The following LRRTM4 variants were observed in gnomAD, a reference collection of about 807,000 sequenced individuals.
LRRTM4 encodes leucine-rich repeat transmembrane neuronal protein 4.
In LRRTM4, 25 loss-of-function variants were observed where a neutral mutation model predicts 47.6. That is an observed-to-expected ratio of 0.53 (90% confidence interval 0.38 to 0.73). The LOEUF is 0.73. LRRTM4 is among the 30% of genes least tolerant of loss of function. The pLI, the probability that LRRTM4 is intolerant of heterozygous loss-of-function variation, is 0.00. For missense variants in LRRTM4, 638 were observed against 713.4 expected (o/e 0.89, Z 1.20); for synonymous variants, 311 against 269.5 (o/e 1.15, Z -1.51).
At chr2:76,835,471 G>C (rs945025389) in intron 3 of LRRTM4, among the ~76,000 whole-genome samples, 3 of 152,052 alleles carry the variant, frequency 2.0e-5, no homozygotes, top group Non-Finnish European at 4.4e-5. Flanking sequence ...ATTTATTCTT[G>C]CATTTAGAGA....
chr2:76,847,846 A>G (rs1457283400), intron 3 of LRRTM4, among the ~76,000 whole-genome samples: 2 of 152,164 alleles, frequency 1.3e-5, no homozygotes, highest in Admixed American at 1.3e-4. Flanking sequence ...ATTAATTTAC[A>G]TAAGAAAGTG....
rs1255248098 is a variant in LRRTM4, at chr2:77,244,760, C to G, written c.1551+273558G>C. 2.0e-5 allele frequency among the ~76,000 whole-genome samples: 3 copies of G among 152,178 alleles called. No homozygotes were observed. The East Asian group carries it at 5.8e-4, about 29-fold the overall frequency. ...CTCATTCTATTTTGCTCCTCCCTTT[C>G]TCAGTCTGATGAAACAACCTGCAAT... is the stretch of plus-strand genomic sequence containing the variant. On this transcript the variant is annotated intron_variant, in intron 3 of 3. Transcript: ENST00000409884.
intron 3 of LRRTM4, among the ~76,000 whole-genome samples, chr2:76,922,919 G>A (rs932784196): frequency 6.6e-6 from 1 of 151,884 alleles, no homozygotes; most frequent in Non-Finnish European, 1.5e-5. Flanking sequence ...GAAGTGTCAT[G>A]GAAACTAAAA....
At chr2:77,061,362 T>G (rs556119316) in intron 3 of LRRTM4, among the ~76,000 whole-genome samples, 5 of 152,132 alleles carry the variant, frequency 3.3e-5, no homozygotes, top group Admixed American at 6.6e-5. Context: ...TTATTCTGTC[T>G]AGTCCACCAA....
intron 3 of LRRTM4, among the ~76,000 whole-genome samples, chr2:76,994,196 T>A (rs36124134): frequency 6.6e-6 from 1 of 151,672 alleles, no homozygotes; most frequent in Admixed American, 6.6e-5. Context: ...ATTAGTTGTA[T>A]CCCAAACGTC....
chr2:77,095,670 G>A (rs922266861), intron 3 of LRRTM4, among the ~76,000 whole-genome samples: 1 of 151,678 alleles, frequency 6.6e-6, no homozygotes, highest in Non-Finnish European at 1.5e-5. Flanking sequence ...CACCACGCCC[G>A]GCTAATTTTT....
chr2:77,346,084 T>C (rs919225094), intron 3 of LRRTM4, among the ~76,000 whole-genome samples: 2 of 152,006 alleles, frequency 1.3e-5, no homozygotes, highest in Admixed American at 6.6e-5. Context: ...GGAGGTACTA[T>C]GGTGAGTAAA....
chr2:76,904,285 C>A (rs140789720), intron 3 of LRRTM4, among the ~76,000 whole-genome samples: 1 of 152,098 alleles, frequency 6.6e-6, no homozygotes, highest in Non-Finnish European at 1.5e-5. Context: ...TTGAGAACCA[C>A]GTTTTTTAAA....
At chr2:76,849,183 G>C (rs1671921434) in intron 3 of LRRTM4, among the ~76,000 whole-genome samples, 1 of 152,056 alleles carries the variant, frequency 6.6e-6, no homozygotes, top group Non-Finnish European at 1.5e-5. Flanking sequence ...GTAATGTGGG[G>C]GGTGACAGTG....
intron 3 of LRRTM4, among the ~76,000 whole-genome samples, chr2:77,026,897 T>C (rs767130359): frequency 3.3e-5 from 5 of 152,152 alleles, no homozygotes; most frequent in Non-Finnish European, 5.9e-5. Context: ...TTTAGTAAGA[T>C]GTTCCAGGAA....
intron 3 of LRRTM4, among the ~76,000 whole-genome samples, chr2:77,449,060 G>A (rs1180386554): frequency 6.6e-6 from 1 of 152,128 alleles, no homozygotes; most frequent in African/African-American, 2.4e-5. Flanking sequence ...GCAGTGAATT[G>A]AGTCTAAAAA....
At chr2:77,316,076 G>A (rs1423162385) in intron 3 of LRRTM4, among the ~76,000 whole-genome samples, 1 of 152,128 alleles carries the variant, frequency 6.6e-6, no homozygotes, top group Non-Finnish European at 1.5e-5. Flanking sequence ...ATCAACTTCT[G>A]TCTGTCCATC....
At chr2:77,279,880 A>G (rs1676462241) in intron 3 of LRRTM4, among the ~76,000 whole-genome samples, 1 of 151,946 alleles carries the variant, frequency 6.6e-6, no homozygotes, top group Admixed American at 6.6e-5. Context: ...AGAGGAAAAA[A>G]ACAATACTTG....
chr2:77,183,224 C>A (rs185519971), intron 3 of LRRTM4, among the ~76,000 whole-genome samples: 85 of 151,912 alleles, frequency 5.6e-4, no homozygotes, highest in African/African-American at 1.7e-3. Flanking sequence ...CAATGAACTC[C>A]AACAAATTTA....
At chr2:77,116,966 T>C (rs11126591) in intron 3 of LRRTM4, among the ~76,000 whole-genome samples, 93,083 of 151,786 alleles carry the variant, frequency 0.61, 29,445 homozygotes, top group African/African-American at 0.77. Context: ...CACACACACA[T>C]GCACACATCC....
intron 3 of LRRTM4, among the ~76,000 whole-genome samples, chr2:77,207,229 G>GTATATATATATATACACATATGTGTA (rs10677955): frequency 7.1e-6 from 1 of 141,628 alleles, no homozygotes; most frequent in South Asian, 2.2e-4. Context: ...ACACATATGT[G>GTATATATATATATACACATATGTGTA]TATATATATA....
chr2:77,394,035 G>T (rs1376170801), intron 3 of LRRTM4, among the ~76,000 whole-genome samples: 3 of 151,876 alleles, frequency 2.0e-5, no homozygotes, highest in Non-Finnish European at 4.4e-5. Context: ...ATACTGCAAT[G>T]AAGTATTGGA....
intron 3 of LRRTM4, among the ~76,000 whole-genome samples, chr2:76,889,291 GGCAGCTTTGA>G (rs2104146706): frequency 6.6e-6 from 1 of 151,970 alleles, no homozygotes; most frequent in East Asian, 1.9e-4. Context: ...CTAAACTAGA[GGCAGCTTTGA>G]TTGAGAAGCC....
intron 3 of LRRTM4, among the ~76,000 whole-genome samples, chr2:76,849,346 A>G (rs1671925992): frequency 6.6e-6 from 1 of 152,062 alleles, no homozygotes; most frequent in South Asian, 2.1e-4. Context: ...GCATAATCTC[A>G]CTTCTTGAAA....
Sources: gnomAD v4.1 joint callset for allele counts (sites outside exome capture counted in the v4.1 genomes callset) on GRCh38, gnomAD v4.1.1 for gene constraint, MANE v1.5 for transcripts, NCBI Gene and HGNC (gene_info 2026-07-23, HGNC 2026-07-21) for gene names.